SDK1: variants seen among roughly 807,000 people sequenced by gnomAD.
SDK1 encodes the protein protein sidekick-1.
SDK1 carries 157 observed loss-of-function variants against 245.5 expected under a neutral mutation model. The ratio of observed to expected loss-of-function variants is 0.64; its 90% CI spans 0.56 to 0.73. SDK1 has a LOEUF of 0.73. Ranked by LOEUF, SDK1 falls within the 30% of genes least tolerant of loss-of-function variation. SDK1 has a pLI of 0.00. For synonymous variants in SDK1, 1,647 were observed against 1,278.5 expected (o/e 1.29, Z -6.15); for missense variants, 3,583 against 3,002.3 (o/e 1.19, Z -4.52).
At chr7:3,512,788 T>A (rs1192097444) in intron 1 of SDK1, among the ~76,000 whole-genome samples, 1 of 152,202 alleles carries the variant, frequency 6.6e-6, no homozygotes, top group Non-Finnish European at 1.5e-5. Flanking sequence ...GTGGTTGAGA[T>A]TTGGGGTAAA....
intron 1 of SDK1, among the ~76,000 whole-genome samples, chr7:3,487,165 C>A (rs921838673): frequency 6.6e-6 from 1 of 152,166 alleles, no homozygotes; most frequent in African/African-American, 2.4e-5. Flanking sequence ...GCCCACTGGT[C>A]TTAGTGTGCC....
intron 4 of SDK1, among the ~76,000 whole-genome samples, chr7:3,784,505 T>G (rs1780841417): frequency 6.6e-6 from 1 of 151,504 alleles, no homozygotes. Flanking sequence ...CTCAAACAAC[T>G]CAATAGAAAG....
At chr7:4,038,597 A>C (rs1210522335) in intron 17 of SDK1, among the ~76,000 whole-genome samples, 1 of 152,088 alleles carries the variant, frequency 6.6e-6, no homozygotes, top group Non-Finnish European at 1.5e-5. Context: ...TACTTTTCTT[A>C]TTTCCTGTGC....
chr7:3,991,021 C>T lies in SDK1; in HGVS notation c.2131+3699C>T, dbSNP rs181539644. Reference sequence around the variant, plus strand: ...TGCTGGGTGCTGGGTGCAGAGCTGACGTGATCAGTGTCCACTGCGAACAGC... The same window carrying T: ...TGCTGGGTGCTGGGTGCAGAGCTGATGTGATCAGTGTCCACTGCGAACAGC... On this transcript the variant is annotated intron_variant, in intron 14 of 44. Transcript: ENST00000404826. Among the ~76,000 whole-genome samples, 17 of 152,342 alleles carry T rather than the reference C, an allele frequency of 1.1e-4. No individual in the cohort carries two copies. In the East Asian group the frequency reaches 2.1e-3, roughly 19 times the overall value.
chr7:3,614,565 A>G (rs1781708715), intron 1 of SDK1, among the ~76,000 whole-genome samples: 1 of 152,194 alleles, frequency 6.6e-6, no homozygotes, highest in Admixed American at 6.5e-5. Flanking sequence ...ATGCTTTTGC[A>G]GGGCATCTGT....
At chr7:3,902,446 A>G (rs760309953) in intron 5 of SDK1, among the ~76,000 whole-genome samples, 1 of 152,220 alleles carries the variant, frequency 6.6e-6, no homozygotes, top group Non-Finnish European at 1.5e-5. Flanking sequence ...AGAGAGATTT[A>G]ATATTTCCTT....
chr7:3,619,950 G>T (rs575907138), intron 2 of SDK1, among the ~76,000 whole-genome samples: 21 of 152,250 alleles, frequency 1.4e-4, no homozygotes, highest in East Asian at 1.4e-3. Context: ...CTTTCCAGGG[G>T]TATACTTTTG....
intron 4 of SDK1, among the ~76,000 whole-genome samples, chr7:3,808,207 C>T (rs1779298140): frequency 6.6e-6 from 1 of 152,166 alleles, no homozygotes. Context: ...GTGCCCTCCT[C>T]ATCATGACGG....
chr7:3,670,454 A>G (rs966398824), intron 4 of SDK1, among the ~76,000 whole-genome samples: 5 of 152,242 alleles, frequency 3.3e-5, no homozygotes, highest in African/African-American at 1.2e-4. Flanking sequence ...GTTCTTAAAC[A>G]AAACAAAACT....
At chr7:4,051,554 G>A in intron 18 of SDK1, 84 bp from the exon 19 acceptor site, 2 of 1,215,644 alleles carry the variant, frequency 1.6e-6, no homozygotes, top group Middle Eastern at 2.5e-4. Context: ...CATTTTAAAA[G>A]ACAAAATAAA....
intron 1 of SDK1, among the ~76,000 whole-genome samples, chr7:3,489,725 C>T (rs762704960): frequency 5.9e-5 from 9 of 152,026 alleles, no homozygotes; most frequent in South Asian, 4.1e-4. Context: ...CTTAAGGCAA[C>T]GTATAAAAAA....
Position 3,321,861 on chromosome 7 carries a change from CTT to C in SDK1, c.298+19979_298+19980del, listed in dbSNP as rs893381492. Among the ~76,000 whole-genome samples, 28 of 144,994 alleles carry C rather than the reference CTT, an allele frequency of 1.9e-4. 1 individual carries two copies. The highest frequency in any genetic ancestry group is 5.6e-4 in the Admixed American group (8 of 14,190). On this transcript the variant is annotated intron_variant, in intron 1 of 44. Coordinates refer to ENST00000404826, the MANE Select transcript of SDK1 (RefSeq NM_152744.4). Reference sequence around the variant, plus strand: ...TCTCTCTCTCTCTCTCTCTTTCTCTCTTTGTTTCCATTGTAAACATATTTGCA... The same window carrying C: ...TCTCTCTCTCTCTCTCTCTTTCTCTCTGTTTCCATTGTAAACATATTTGCA...
intron 38 of SDK1, among the ~76,000 whole-genome samples, chr7:4,217,942 C>G (rs1451792557): frequency 6.6e-6 from 1 of 152,156 alleles, no homozygotes; most frequent in East Asian, 1.9e-4. Flanking sequence ...AAAAAAGTTG[C>G]TCTCTAGAAT....
At chr7:3,926,467 TA>T (rs2128115429) in intron 5 of SDK1, among the ~76,000 whole-genome samples, 1 of 152,330 alleles carries the variant, frequency 6.6e-6, no homozygotes, top group African/African-American at 2.4e-5. Context: ...AAATTGTTTT[TA>T]TTTTATTTTA....
At chr7:3,536,059 T>G (rs1349579663) in intron 1 of SDK1, among the ~76,000 whole-genome samples, 3 of 140,578 alleles carry the variant, frequency 2.1e-5, no homozygotes, top group Non-Finnish European at 1.6e-5. Context: ...GCTGGCAGAA[T>G]AATTTTTTTT....
chr7:3,722,965 T>G (rs1370743757), intron 4 of SDK1, among the ~76,000 whole-genome samples: 22 of 152,228 alleles, frequency 1.4e-4, no homozygotes, highest in Admixed American at 1.4e-3. Context: ...TTGCTTTACA[T>G]GTTTTAAACT....
chr7:3,865,762 C>A (rs1394878219), intron 5 of SDK1, among the ~76,000 whole-genome samples: 1 of 151,718 alleles, frequency 6.6e-6, no homozygotes, highest in Non-Finnish European at 1.5e-5. Flanking sequence ...CCTCCCAAAA[C>A]GCTGGGATTA....
intron 44 of SDK1, among the ~76,000 whole-genome samples, chr7:4,257,169 C>G (rs1583188575): frequency 1.3e-5 from 2 of 152,178 alleles, no homozygotes; most frequent in South Asian, 4.1e-4. Flanking sequence ...TAGACCAACC[C>G]CATCGTACCC....
At chr7:3,807,576 C>T (rs946734280) in intron 4 of SDK1, among the ~76,000 whole-genome samples, 5 of 152,078 alleles carry the variant, frequency 3.3e-5, no homozygotes, top group South Asian at 2.1e-4. Flanking sequence ...CAAAGACACA[C>T]GAAGACAGGC....
Sources: allele counts gnomAD v4.1 joint callset (sites outside exome capture counted in the v4.1 genomes callset), GRCh38; gene constraint gnomAD v4.1.1; transcripts MANE v1.5; gene names NCBI Gene and HGNC (gene_info 2026-07-23, HGNC 2026-07-21).